The following CDH13 variants were observed in gnomAD, a reference collection of about 807,000 sequenced individuals.
CDH13 encodes the protein cadherin 13.
In CDH13, 24 loss-of-function variants were observed where a neutral mutation model predicts 63.8. That is an observed-to-expected ratio of 0.38 (90% CI 0.27 to 0.53). CDH13 has a LOEUF of 0.53. Ranked by LOEUF, CDH13 falls within the 20% of genes least tolerant of loss-of-function variation. The pLI is 0.85. For missense variants in CDH13, 1,049 were observed against 903.1 expected (o/e 1.16, Z -2.07); for synonymous variants, 503 against 355.3 (o/e 1.42, Z -4.67).
chr16:83,257,781 C>T (rs956196170), intron 5 of CDH13, among the ~76,000 whole-genome samples: 1 of 152,266 alleles, frequency 6.6e-6, no homozygotes, highest in African/African-American at 2.4e-5. Context: ...TGTGTATATA[C>T]CCAGTGATGG....
intron 4 of CDH13, among the ~76,000 whole-genome samples, chr16:83,141,642 A>G (rs1008265327): frequency 1.3e-5 from 2 of 151,938 alleles, no homozygotes; most frequent in African/African-American, 4.8e-5. Context: ...TGCATTAGGT[A>G]TTTGTCCTAA....
chr16:83,063,766 A>G (rs1256115870), intron 3 of CDH13, among the ~76,000 whole-genome samples: 1 of 152,220 alleles, frequency 6.6e-6, no homozygotes, highest in African/African-American at 2.4e-5. Context: ...GCCAAAATCA[A>G]GGTGTCAGCA....
At chr16:82,941,852 C>T (rs1004031237) in intron 2 of CDH13, among the ~76,000 whole-genome samples, 5 of 152,188 alleles carry the variant, frequency 3.3e-5, no homozygotes, top group African/African-American at 1.2e-4. Context: ...ATATTCATAC[C>T]CAGGAAGTTG....
intron 1 of CDH13, among the ~76,000 whole-genome samples, chr16:82,785,203 G>A (rs763442383): frequency 2.6e-5 from 4 of 152,072 alleles, no homozygotes; most frequent in Non-Finnish European, 5.9e-5. Context: ...AATAGGAAGG[G>A]GAAGACATGA....
At chr16:83,018,943 G>A (rs907743423) in intron 2 of CDH13, among the ~76,000 whole-genome samples, 2 of 152,188 alleles carry the variant, frequency 1.3e-5, no homozygotes, top group African/African-American at 2.4e-5. Flanking sequence ...TGGTAGGATT[G>A]GAAGATGCTC....
At chr16:82,807,483 A>G (rs781386647) in intron 1 of CDH13, among the ~76,000 whole-genome samples, 5 of 152,158 alleles carry the variant, frequency 3.3e-5, no homozygotes, top group African/African-American at 9.7e-5. Context: ...GAGGTTCACA[A>G]TTCCCAACTG....
chr16:83,077,555 G>A (rs147255078), intron 3 of CDH13, among the ~76,000 whole-genome samples: 1 of 152,132 alleles, frequency 6.6e-6, no homozygotes, highest in East Asian at 1.9e-4. Context: ...TTTGTTGCTA[G>A]GTAATATTCT....
At chr16:83,397,070 T>A (rs1015628955) in intron 6 of CDH13, among the ~76,000 whole-genome samples, 1 of 152,090 alleles carries the variant, frequency 6.6e-6, no homozygotes, top group African/African-American at 2.4e-5. Context: ...TGGCCCTTTC[T>A]CCTGGCTTTC....
rs79623827 is a variant in CDH13, at chr16:83,579,729, G to A, written c.961-22725G>A. 5.7e-3 allele frequency among the ~76,000 whole-genome samples: 863 copies of A among 152,174 alleles called. 12 individuals are homozygous for A. Among genetic ancestry groups the A allele is most frequent in the African/African-American group, 0.02 (827 of 41,510 alleles). ...CCCTGGAGCTGTACTGATGTGAATG[G>A]AGTCACAGCCCTTGATAGGCTCACA... On this transcript the variant is annotated intron_variant, in intron 7 of 13. Coordinates refer to ENST00000567109, the MANE Select transcript of CDH13 (RefSeq NM_001257.5).
chr16:82,736,908 TC>T (rs1354226281), intron 1 of CDH13, among the ~76,000 whole-genome samples: 3 of 152,174 alleles, frequency 2.0e-5, no homozygotes, highest in Non-Finnish European at 2.9e-5. Flanking sequence ...GGGCAGTTCC[TC>T]CACCTTTCAC....
At chr16:83,765,981 T>G (rs1328723556) in intron 11 of CDH13, among the ~76,000 whole-genome samples, 1 of 152,174 alleles carries the variant, frequency 6.6e-6, no homozygotes. Context: ...TTTGGGGCCA[T>G]AGATTGTACC....
At chr16:83,073,354 T>TGTGTGAGAGAGAGAGA (rs1311548254) in intron 3 of CDH13, among the ~76,000 whole-genome samples, 1 of 139,756 alleles carries the variant, frequency 7.2e-6, no homozygotes, top group Admixed American at 7.1e-5. Context: ...TGTGTGTGTG[T>TGTGTGAGAGAGAGAGA]GAGAGAGAGA....
At chr16:82,777,657 T>C (rs1279047832) in intron 1 of CDH13, among the ~76,000 whole-genome samples, 2 of 152,146 alleles carry the variant, frequency 1.3e-5, no homozygotes, top group Non-Finnish European at 2.9e-5. Context: ...AGCAAGAATA[T>C]GGGTGCAGCT....
intron 7 of CDH13, among the ~76,000 whole-genome samples, chr16:83,542,319 G>C (rs1034868091): frequency 6.6e-6 from 1 of 152,166 alleles, no homozygotes; most frequent in African/African-American, 2.4e-5. Flanking sequence ...TGTGCAGCCA[G>C]GATTGCAAAC....
chr16:83,004,751 C>T (rs941130430), intron 2 of CDH13, among the ~76,000 whole-genome samples: 1 of 152,276 alleles, frequency 6.6e-6, no homozygotes, highest in Non-Finnish European at 1.5e-5. Flanking sequence ...CCTCAGCCTC[C>T]CAAAGGGCTG....
intron 3 of CDH13, among the ~76,000 whole-genome samples, chr16:83,098,064 C>G (rs2034293149): frequency 6.6e-6 from 1 of 152,096 alleles, no homozygotes; most frequent in Non-Finnish European, 1.5e-5. Context: ...TGGGATGGTC[C>G]AGATAAGAGA....
chr16:82,646,127 T>C (rs9921247), intron 1 of CDH13: 28,535 of 152,272 alleles, frequency 0.19, 2,744 homozygotes, highest in Middle Eastern at 0.25. Context: ...AACCAAAGGA[T>C]GTGCCATCAA....
At chr16:83,215,835 T>C (rs997595221) in intron 4 of CDH13, among the ~76,000 whole-genome samples, 7 of 152,214 alleles carry the variant, frequency 4.6e-5, no homozygotes, top group Non-Finnish European at 4.4e-5. Flanking sequence ...ATTGTGTTCA[T>C]GACCTTTCAA....
intron 8 of CDH13, among the ~76,000 whole-genome samples, chr16:83,666,914 C>T (rs1036585895): frequency 6.6e-6 from 1 of 152,128 alleles, no homozygotes; most frequent in African/African-American, 2.4e-5. Context: ...ATTTCTTTCC[C>T]ATCTGTCTCT....
Sources: gnomAD v4.1 joint callset for allele counts (sites outside exome capture counted in the v4.1 genomes callset) on GRCh38, gnomAD v4.1.1 for gene constraint, MANE v1.5 for transcripts, NCBI Gene and HGNC (gene_info 2026-07-23, HGNC 2026-07-21) for gene names.